Variants in LIN7A observed in about 807,000 individuals in gnomAD.
LIN7A encodes protein lin-7 homolog A.
Under a neutral mutation model 29.8 loss-of-function variants are expected in LIN7A, and 25 were observed. That is an observed-to-expected ratio of 0.84 (90% CI 0.61 to 1.17). The LOEUF (loss-of-function observed/expected upper bound fraction) is 1.17. Ranked by LOEUF, LIN7A falls within the 50% of genes most tolerant of loss-of-function variation. The pLI is 0.00. For missense variants in LIN7A, 239 were observed against 287.0 expected, an observed-to-expected ratio of 0.83 and a Z score of 1.21; for synonymous variants, 118 against 107.5, an observed-to-expected ratio of 1.10 and a Z score of -0.60.
chr12:80,827,919 G>T (rs552381582), intron 4 of LIN7A, among the ~76,000 whole-genome samples: 7 of 151,628 alleles, frequency 4.6e-5, no homozygotes, highest in Admixed American at 1.3e-4. Flanking sequence ...CATTCTGGAC[G>T]TTTTTTTTGT....
intron 1 of LIN7A, among the ~76,000 whole-genome samples, chr12:80,896,347 C>T (rs1190696760): frequency 1.3e-5 from 2 of 152,194 alleles, no homozygotes; most frequent in African/African-American, 4.8e-5. Flanking sequence ...ACACTGGCTA[C>T]TGACTTATTA....
chr12:80,842,124 A>G, intron 4 of LIN7A: 4 of 1,286,604 alleles, frequency 3.1e-6, no homozygotes, highest in Middle Eastern at 2.1e-4. Flanking sequence ...TTGACTTCTT[A>G]GAAGCTAGGA....
At chr12:80,879,274 G>T (rs1874891965) in intron 2 of LIN7A, among the ~76,000 whole-genome samples, 1 of 151,668 alleles carries the variant, frequency 6.6e-6, no homozygotes, top group Non-Finnish European at 1.5e-5. Context: ...GTAGGAGGGG[G>T]TGGGATAGAG....
rs534154227 is a variant in LIN7A at position 80,897,194 on chromosome 12, AG to A, written c.83-7826del. Among the ~76,000 whole-genome samples, 14 of 150,574 alleles carry A rather than the reference AG, an allele frequency of 9.3e-5. No individual in the cohort carries two copies. The South Asian group carries it at 3.0e-3, about 32-fold the overall frequency. On this transcript the variant is annotated intron_variant, in intron 1 of 5. Coordinates refer to ENST00000552864, the MANE Select transcript of LIN7A (RefSeq NM_004664.4). ...CAAGTTTTGCCTTCCTTTCTGTTTC[AG>A]CTTTCATTTTTTTCTCCTTATTATT...
Position 80,856,279 on chromosome 12 carries a change from G to T in LIN7A, c.202-7957C>A, listed in dbSNP as rs77874788. Reference sequence around the variant, plus strand: ...CAACTTCGATGAAAACATGTCACCCGTCGGACAAGAAAAAATACTGACAGG... The same window carrying T: ...CAACTTCGATGAAAACATGTCACCCTTCGGACAAGAAAAAATACTGACAGG... On this transcript the variant is annotated intron_variant, in intron 2 of 5. Transcript: ENST00000552864. 3.6e-3 allele frequency among the ~76,000 whole-genome samples: 543 copies of T among 152,164 alleles called. 3 individuals carry two copies. The highest frequency in any genetic ancestry group is 5.9e-3 in the Non-Finnish European group (398 of 67,984).
At chr12:80,894,343 A>G (rs1420020419) in intron 1 of LIN7A, among the ~76,000 whole-genome samples, 2 of 152,130 alleles carry the variant, frequency 1.3e-5, no homozygotes, top group Non-Finnish European at 2.9e-5. Flanking sequence ...AAGAAGGATT[A>G]TTTTCCTAGA....
intron 2 of LIN7A, among the ~76,000 whole-genome samples, chr12:80,868,079 A>G (rs1762994160): frequency 6.6e-6 from 1 of 152,236 alleles, no homozygotes; most frequent in Admixed American, 6.5e-5. Context: ...TAGTGAAATA[A>G]CAGATGATTA....
At chr12:80,900,224 G>C (rs1876140885) in intron 1 of LIN7A, among the ~76,000 whole-genome samples, 1 of 152,046 alleles carries the variant, frequency 6.6e-6, no homozygotes, top group South Asian at 2.1e-4. Flanking sequence ...TCCTGAATTT[G>C]TTGATCTTTT....
intron 1 of LIN7A, among the ~76,000 whole-genome samples, chr12:80,933,362 G>A (rs1426306729): frequency 1.3e-5 from 2 of 152,122 alleles, no homozygotes. Flanking sequence ...CAGATAAGTT[G>A]TGACTGTGGA....
At chr12:80,879,893 T>C (rs1023387283) in intron 2 of LIN7A, among the ~76,000 whole-genome samples, 17 of 152,310 alleles carry the variant, frequency 1.1e-4, no homozygotes, top group African/African-American at 4.1e-4. Flanking sequence ...CAGGGTGAAT[T>C]CAGGTTCTAT....
At chr12:80,808,650 C>T (rs1871152483) in intron 5 of LIN7A, among the ~76,000 whole-genome samples, 1 of 150,652 alleles carries the variant, frequency 6.6e-6, no homozygotes, top group Non-Finnish European at 1.5e-5. Context: ...GGACTACAGG[C>T]GCCCGCCACC....
intron 2 of LIN7A, among the ~76,000 whole-genome samples, chr12:80,871,331 C>T (rs897200625): frequency 3.3e-5 from 5 of 152,072 alleles, no homozygotes; most frequent in African/African-American, 1.2e-4. Context: ...TCCTAAATAA[C>T]TTGTTACATT....
chr12:80,843,038 G>GA (rs752987779), intron 4 of LIN7A, among the ~76,000 whole-genome samples: 9 of 152,012 alleles, frequency 5.9e-5, no homozygotes, highest in African/African-American at 1.2e-4. Context: ...CTACTTCAAT[G>GA]AAAAAATGAT....
chr12:80,882,737 A>G (rs1875126240), intron 2 of LIN7A, among the ~76,000 whole-genome samples: 1 of 152,200 alleles, frequency 6.6e-6, no homozygotes, highest in African/African-American at 2.4e-5. Flanking sequence ...AAATTTTTAC[A>G]ATAGCTACAA....
chr12:80,840,533 CTG>C (rs1872761282), intron 4 of LIN7A, among the ~76,000 whole-genome samples: 1 of 152,036 alleles, frequency 6.6e-6, no homozygotes, highest in Non-Finnish European at 1.5e-5. Context: ...TTTCATGAGA[CTG>C]TGTTTCTGAG....
intron 2 of LIN7A, among the ~76,000 whole-genome samples, chr12:80,859,175 T>C (rs1381416494): frequency 6.6e-6 from 1 of 152,186 alleles, no homozygotes; most frequent in African/African-American, 2.4e-5. Context: ...TACTGCATCA[T>C]AAATGAATTA....
At chr12:80,830,002 G>C (rs898900153) in intron 4 of LIN7A, among the ~76,000 whole-genome samples, 23 of 152,156 alleles carry the variant, frequency 1.5e-4, no homozygotes, top group African/African-American at 4.8e-4. Flanking sequence ...ACAGGCTGAA[G>C]TCTTTCAGCC....
At chr12:80,821,570 G>T (rs1317226926) in intron 4 of LIN7A, among the ~76,000 whole-genome samples, 1 of 152,168 alleles carries the variant, frequency 6.6e-6, no homozygotes, top group Non-Finnish European at 1.5e-5. Flanking sequence ...CTTAAAATAA[G>T]ACAACAATGC....
At chr12:80,868,970 G>A (rs1377071318) in intron 2 of LIN7A, among the ~76,000 whole-genome samples, 6 of 151,994 alleles carry the variant, frequency 3.9e-5, no homozygotes, top group Admixed American at 3.9e-4. Flanking sequence ...CTCTGCACTT[G>A]ACACTTAAGA....
Sources: allele counts gnomAD v4.1 joint callset (sites outside exome capture counted in the v4.1 genomes callset), GRCh38; gene constraint gnomAD v4.1.1; transcripts MANE v1.5; gene names NCBI Gene and HGNC (gene_info 2026-07-23, HGNC 2026-07-21).